MASTL: variants seen among roughly 807,000 people sequenced by gnomAD.
The protein encoded by MASTL is microtubule associated serine/threonine kinase like.
In MASTL, 54 loss-of-function variants were observed where a neutral mutation model predicts 82.5. The ratio of observed to expected loss-of-function variants is 0.65; its 90% CI spans 0.53 to 0.82. MASTL has a LOEUF of 0.82. MASTL is among the 40% of genes least tolerant of loss of function. The pLI is 0.00. For synonymous variants in MASTL, 323 were observed against 368.9 expected (o/e 0.88, Z 1.43); for missense variants, 950 against 1,047.8 (o/e 0.91, Z 1.29).
intron 9 of MASTL, among the ~76,000 whole-genome samples, chr10:27,180,741 G>A (rs1468960483): frequency 6.6e-6 from 1 of 152,102 alleles, no homozygotes; most frequent in Non-Finnish European, 1.5e-5. Context: ...CGTGGGCACA[G>A]GACAATTGTG....
intron 11 of MASTL, among the ~76,000 whole-genome samples, chr10:27,181,783 T>C (rs2058325587): frequency 6.6e-6 from 1 of 151,670 alleles, no homozygotes. Context: ...TACTAAAAAA[T>C]ACAAAAATTG....
At position 27,159,877 on chromosome 10, in the gene MASTL, A is replaced by G; in HGVS notation, c.464+119A>G. On this transcript the variant is annotated intron_variant, in intron 3 of 11. Transcript: ENST00000375940. The surrounding 1 kb of genome is among the most constrained non-coding windows in gnomAD (Gnocchi z 4.0). Reference sequence around the variant, plus strand: ...ATTTCCAGGTTATCTAAAGTTTACTAGTAACTTGTATTCATTTAGAAATTA... The same window carrying G: ...ATTTCCAGGTTATCTAAAGTTTACTGGTAACTTGTATTCATTTAGAAATTA... The G allele has an allele frequency of 1.2e-6, 1 of 837,226 alleles. No individual in the cohort carries two copies. The allele number at this position is 837,226 out of a possible 1,614,324, so 51.9% of individuals were successfully genotyped here. A position where few individuals can be genotyped will look rare whatever the true frequency, so the allele number is the denominator to read the frequency against.
chr10:27,162,941 G>A (rs1240599133), intron 4 of MASTL, among the ~76,000 whole-genome samples: 1 of 151,994 alleles, frequency 6.6e-6, no homozygotes, highest in East Asian at 1.9e-4. Flanking sequence ...TTTGGGATGG[G>A]GTTTTTGCTC....
chr10:27,185,293 A>G (rs2058621097), intron 11 of MASTL, among the ~76,000 whole-genome samples: 1 of 152,190 alleles, frequency 6.6e-6, no homozygotes, highest in Admixed American at 6.5e-5. Flanking sequence ...ATCAAGGAGC[A>G]GAAAGTAGGC....
Position 27,170,934 on chromosome 10 carries a change from AAC to A in MASTL, c.1977_1978del (p.Asn659LysfsTer4). On this transcript the variant is annotated frameshift_variant, in exon 8 of 12. Coordinates refer to ENST00000375940, the MANE Select transcript of MASTL (RefSeq NM_001172303.3). LOFTEE classifies it high-confidence loss of function. ...AAATGCTGTTGCTTTTCGAAGTTTT[AAC>A]AGTCATATTAATGCATCCAATAACT... ...KRNAVAFRSF[N>X]SHINASNNSE... is the part of the protein sequence containing the mutation. The A allele has an allele frequency of 1.2e-6, 2 of 1,614,212 alleles. No homozygotes were observed.
intron 9 of MASTL, among the ~76,000 whole-genome samples, chr10:27,174,374 A>G: frequency 6.6e-6 from 1 of 152,128 alleles, no homozygotes; most frequent in Admixed American, 6.6e-5. Flanking sequence ...AAAAATAAAA[A>G]TAAAAAGATG....
At chr10:27,181,664 G>A in intron 11 of MASTL, 83 bp downstream of exon 11, 1 of 1,049,682 alleles carries the variant, frequency 9.5e-7, no homozygotes. Flanking sequence ...GTTCTGGCTG[G>A]GCGTGGTGGC....
chr10:27,155,270 C>T (rs574340842), upstream of MASTL: 426 of 713,722 alleles, frequency 6.0e-4, no homozygotes, highest in African/African-American at 7.2e-3. Flanking sequence ...CCCCTCCGTC[C>T]GCGTCTGCGT....
chr10:27,176,524 T>C (rs1413967565), intron 9 of MASTL, among the ~76,000 whole-genome samples: 1 of 152,228 alleles, frequency 6.6e-6, no homozygotes, highest in East Asian at 1.9e-4. Flanking sequence ...TCTCTTTATA[T>C]GCCTTATGTT....
intron 2 of MASTL, among the ~76,000 whole-genome samples, chr10:27,158,935 C>T (rs1196660223): frequency 3.3e-5 from 5 of 152,204 alleles, no homozygotes; most frequent in African/African-American, 9.7e-5. Flanking sequence ...GGCCATGGCT[C>T]ACACCTGTAA....
intron 1 of MASTL, among the ~76,000 whole-genome samples, chr10:27,157,264 A>AT (rs577504259): frequency 3.4e-4 from 51 of 152,094 alleles, no homozygotes; most frequent in Middle Eastern, 3.4e-3. Flanking sequence ...TGTTCCTGAG[A>AT]TTTTTACTTT....
chr10:27,155,957 T>C (rs2057353225), intron 1 of MASTL, among the ~76,000 whole-genome samples: 1 of 152,162 alleles, frequency 6.6e-6, no homozygotes, highest in Non-Finnish European at 1.5e-5. Context: ...AACAGGCACT[T>C]AAAGCCAAAG....
At chr10:27,176,096 C>CA (rs111538557) in intron 9 of MASTL, among the ~76,000 whole-genome samples, 236 of 118,058 alleles carry the variant, frequency 2.0e-3, no homozygotes, top group Admixed American at 4.9e-3. Context: ...GACTCCATCT[C>CA]AAAAAAAAAA....
At chr10:27,174,069 A>T (rs2058030184) in intron 9 of MASTL, among the ~76,000 whole-genome samples, 1 of 151,546 alleles carries the variant, frequency 6.6e-6, no homozygotes, top group South Asian at 2.1e-4. Context: ...GTATAGAAAG[A>T]TAGGGCTGGT....
At position 27,170,736 on chromosome 10, in the gene MASTL, A is replaced by G. The variant is rs768464270; in HGVS notation, c.1777A>G (p.Ser593Gly). 6 of 1,613,794 alleles carry G rather than the reference A, an allele frequency of 3.7e-6. No homozygotes were observed. In the South Asian group the frequency reaches 6.6e-5, roughly 18 times the overall value. Residue 593 changes from serine to glycine, a missense_variant, in exon 8 of 12, where the codon AGC (serine) becomes GGC (glycine). By Grantham distance (56) the Ser-to-Gly change is moderately conservative. Coordinates refer to ENST00000375940, the MANE Select transcript of MASTL (RefSeq NM_001172303.3). ...LESQPLDSDR[S>G]IKESSFEESN... ...AAGTCAGCCCTTAGATTCAGATAGA[A>G]GCATCAAAGAATCCTCTTTTGAAGA...
chr10:27,177,098 C>G (rs2058125613), intron 9 of MASTL, among the ~76,000 whole-genome samples: 1 of 152,108 alleles, frequency 6.6e-6, no homozygotes. Context: ...CCAAAGTGTT[C>G]AGCCTCCCAA....
intron 9 of MASTL, 69 bp downstream of exon 9, chr10:27,173,328 T>A (rs1775356): frequency 1.3e-6 from 2 of 1,594,494 alleles, no homozygotes; most frequent in African/African-American, 2.7e-5. Flanking sequence ...GGTTAAATTT[T>A]AAAAAATTTC....
At chr10:27,166,972 T>C in intron 6 of MASTL, 130 bp from the exon 7 acceptor site, 2 of 662,640 alleles carry the variant, frequency 3.0e-6, no homozygotes, top group Non-Finnish European at 5.3e-6. Context: ...GAAATAGTTC[T>C]GATATGTAAT....
At position 27,187,943 on chromosome 10, in the gene MASTL, T is replaced by TATCA. The variant is rs1391616726; in HGVS notation, c.*1408_*1411dup. The stretch of plus-strand genomic sequence containing the variant: ...TTTTCTTTTGCTTAATAAATATAAC[T>TATCA]ATCACAAGTACATTATCTGTCAACA... On this transcript the variant is annotated 3_prime_UTR_variant, in exon 12 of 12. Coordinates refer to ENST00000375940, the MANE Select transcript of MASTL (RefSeq NM_001172303.3). Among the ~76,000 whole-genome samples the TATCA allele has an allele frequency of 6.6e-6, 1 of 152,184 alleles. No individual in the cohort carries two copies. Among genetic ancestry groups the TATCA allele is most frequent in the African/African-American group, 2.4e-5 (1 of 41,446 alleles).
Sources: gnomAD v4.1 joint callset for allele counts (sites outside exome capture counted in the v4.1 genomes callset) on GRCh38, gnomAD v4.1.1 for gene constraint, Gnocchi (gnomAD v3.1) non-coding constraint, MANE v1.5 for transcripts, NCBI Gene and HGNC (gene_info 2026-07-23, HGNC 2026-07-21) for gene names.